The following COL4A4 variants were observed in gnomAD, a reference collection of about 807,000 sequenced individuals.
COL4A4 encodes collagen type IV alpha 4 chain.
A neutral mutation model predicts 192.9 loss-of-function variants in COL4A4; 105 were observed. That is an observed-to-expected ratio of 0.54 (90% CI 0.46 to 0.64). COL4A4 has a LOEUF of 0.64. COL4A4 is among the 30% of genes least tolerant of loss of function. COL4A4 has a pLI of 0.00. For missense variants in COL4A4, 1,967 were observed against 2,169.3 expected (o/e 0.91, Z 1.85); for synonymous variants, 762 against 769.9 (o/e 0.99, Z 0.17).
At chr2:227,030,036 T>C (rs949151327) in intron 41 of COL4A4, among the ~76,000 whole-genome samples, 1 of 152,082 alleles carries the variant, frequency 6.6e-6, no homozygotes, top group Non-Finnish European at 1.5e-5. Context: ...CACAATCAGC[T>C]CAATTATCTC....
At chr2:226,992,647 C>G in the COL4A4 span, among the ~76,000 whole-genome samples, 1 of 152,308 alleles carries the variant, frequency 6.6e-6, no homozygotes, top group East Asian at 1.9e-4. Context: ...GAATTGAGAA[C>G]TTAGACTGGA....
intron 20 of COL4A4, among the ~76,000 whole-genome samples, chr2:227,091,887 C>T (rs1272253083): frequency 2.8e-5 from 4 of 143,796 alleles, no homozygotes. Flanking sequence ...GAGTAACACT[C>T]TGTCTCAGGA....
chr2:227,100,808 C>CTTTT (rs113276669), intron 17 of COL4A4, among the ~76,000 whole-genome samples: 1 of 142,242 alleles, frequency 7.0e-6, no homozygotes, highest in African/African-American at 2.6e-5. Context: ...CTGCGCTATT[C>CTTTT]TTTTTTTTTT....
the COL4A4 span, among the ~76,000 whole-genome samples, chr2:226,980,854 A>AT: frequency 5.9e-5 from 9 of 152,264 alleles, no homozygotes; most frequent in South Asian, 1.9e-3. Flanking sequence ...AAAATGTTTT[A>AT]TTTTACTAGA....
chr2:227,110,680 CTTT>C (rs34785989), intron 9 of COL4A4, among the ~76,000 whole-genome samples: 9 of 94,284 alleles, frequency 9.5e-5, no homozygotes, highest in South Asian at 4.2e-4. Flanking sequence ...CTCACCCAGT[CTTT>C]TTTTTTTTTT....
chr2:226,999,893 G>A (rs1180074264), downstream of COL4A4, among the ~76,000 whole-genome samples: 1 of 152,216 alleles, frequency 6.6e-6, no homozygotes. Flanking sequence ...TTTCTGCCAG[G>A]AAGTTGTGAA....
intron 25 of COL4A4, among the ~76,000 whole-genome samples, chr2:227,065,826 T>C (rs2058299000): frequency 6.6e-6 from 1 of 152,234 alleles, no homozygotes; most frequent in African/African-American, 2.4e-5. Flanking sequence ...ACCTCTCCTC[T>C]TCCAAAGGAA....
chr2:227,057,905 C>T (rs1975872996), intron 28 of COL4A4, among the ~76,000 whole-genome samples: 1 of 152,216 alleles, frequency 6.6e-6, no homozygotes, highest in Non-Finnish European at 1.5e-5. Flanking sequence ...TCAGGCTTTA[C>T]ATCAAATCTC....
intron 25 of COL4A4, among the ~76,000 whole-genome samples, chr2:227,069,602 AAAAC>A (rs966454461): frequency 1.3e-5 from 2 of 152,198 alleles, no homozygotes. Context: ...AAACCTGAGA[AAAAC>A]AAGCAATAGG....
chr2:227,057,459 G>A lies in COL4A4; in HGVS notation c.2525C>T (p.Pro842Leu). ...APGIPGQPGL[P>L]GYPGSPGAPG... Reference sequence around the variant, plus strand: ...CTTACCTGGGCTACCTGGATACCCAGGGAGTCCCGGTTGCCCTGGTATCCC... The same window carrying A: ...CTTACCTGGGCTACCTGGATACCCAAGGAGTCCCGGTTGCCCTGGTATCCC... Residue 842 changes from proline to leucine, a missense_variant, in exon 29 of 48, where the codon CCT becomes CTT. Pro to Leu is a moderately conservative substitution (Grantham distance 98, BLOSUM62 -3). Transcript: ENST00000396625. 1 of 1,609,010 alleles carries A rather than the reference G, an allele frequency of 6.2e-7. No homozygotes were observed. The highest frequency in any genetic ancestry group is 8.5e-7 in the Non-Finnish European group (1 of 1,177,628).
intron 1 of COL4A4, among the ~76,000 whole-genome samples, chr2:227,158,335 T>A (rs2064520478): frequency 1.3e-5 from 2 of 152,094 alleles, no homozygotes; most frequent in South Asian, 4.1e-4. Flanking sequence ...ACCCAGAAAT[T>A]AACTTAAAAG....
chr2:226,975,601 T>A, the COL4A4 span, among the ~76,000 whole-genome samples: 2 of 152,184 alleles, frequency 1.3e-5, no homozygotes, highest in Non-Finnish European at 2.9e-5. Context: ...AAGAGGGGAA[T>A]CTGCTTGGAT....
chr2:227,102,588 G>T (rs1451360362), intron 15 of COL4A4, among the ~76,000 whole-genome samples: 2 of 152,094 alleles, frequency 1.3e-5, no homozygotes, highest in African/African-American at 4.8e-5. Context: ...TCTATCTTTT[G>T]CTTGCCTGTT....
At chr2:226,984,152 G>C in the COL4A4 span, among the ~76,000 whole-genome samples, 635 of 152,336 alleles carry the variant, frequency 4.2e-3, 4 homozygotes, top group African/African-American at 0.015. Context: ...CTGGGGGTCT[G>C]CCCAGCAGCT....
Position 227,080,487 on chromosome 2 carries a change from C to G in COL4A4, c.1759G>C (p.Gly587Arg). ...PGFPGQPGSH[G>R]RDGHAGEKGD... Reference sequence around the variant, plus strand: ...TTTTCTCCAGCATGTCCATCCCGACCATGTGATCCTGGCTGCCCTGGAAAT... The same window carrying G: ...TTTTCTCCAGCATGTCCATCCCGACGATGTGATCCTGGCTGCCCTGGAAAT... The change falls in exon 24 of 48, where the codon GGT becomes CGT. Residue 587 changes from glycine (G) to arginine (R), a missense_variant. By Grantham distance (125) the Gly-to-Arg change is moderately radical. Transcript: ENST00000396625. 1.9e-6 allele frequency: 3 copies of G among 1,614,152 alleles called. No individual in the cohort carries two copies. The highest frequency in any genetic ancestry group is 2.5e-6 in the Non-Finnish European group (3 of 1,180,038).
intron 4 of COL4A4, among the ~76,000 whole-genome samples, chr2:227,122,757 C>T (rs1221144428): frequency 6.6e-6 from 1 of 152,164 alleles, no homozygotes; most frequent in Non-Finnish European, 1.5e-5. Flanking sequence ...TGTGGTCAAC[C>T]CCACATTGGG....
chr2:227,148,899 TG>T (rs909617106), intron 1 of COL4A4, among the ~76,000 whole-genome samples: 3 of 151,506 alleles, frequency 2.0e-5, no homozygotes, highest in African/African-American at 7.3e-5. Context: ...TGGAGTGCAA[TG>T]GCGCGATCTT....
intron 20 of COL4A4, among the ~76,000 whole-genome samples, chr2:227,092,192 A>T (rs2059978410): frequency 6.6e-6 from 1 of 152,234 alleles, no homozygotes; most frequent in African/African-American, 2.4e-5. Context: ...AGAAAATGCC[A>T]TCAAAATCCT....
At chr2:226,980,639 G>T in the COL4A4 span, among the ~76,000 whole-genome samples, 1 of 152,098 alleles carries the variant, frequency 6.6e-6, no homozygotes, top group Non-Finnish European at 1.5e-5. Context: ...GTTCCTTATG[G>T]TCTTAAAACC....
Sources: allele counts gnomAD v4.1 joint callset (sites outside exome capture counted in the v4.1 genomes callset), GRCh38; gene constraint gnomAD v4.1.1; transcripts MANE v1.5; gene names NCBI Gene and HGNC (gene_info 2026-07-23, HGNC 2026-07-21).